STPG2: variants seen among roughly 807,000 people sequenced by gnomAD.
The protein encoded by STPG2 is sperm tail PG-rich repeat containing 2, also known as sperm-tail PG-rich repeat-containing protein 2.
STPG2 carries 56 observed loss-of-function variants against 54.2 expected under a neutral mutation model. The ratio of observed to expected loss-of-function variants is 1.03; its 90% CI spans 0.83 to 1.29. STPG2 has a LOEUF of 1.29. Ranked by LOEUF, STPG2 falls within the 50% of genes most tolerant of loss-of-function variation. The pLI is 0.00. For synonymous variants in STPG2, 200 were observed against 181.8 expected, an observed-to-expected ratio of 1.10 and a Z score of -0.81; for missense variants, 596 against 544.9, an observed-to-expected ratio of 1.09 and a Z score of -0.93.
intron 5 of STPG2, among the ~76,000 whole-genome samples, chr4:98,010,021 G>A (rs1735696049): frequency 1.3e-5 from 2 of 151,838 alleles, no homozygotes; most frequent in Non-Finnish European, 2.9e-5. Context: ...CTGGCTAAAT[G>A]TGTGTTGATT....
chr4:97,605,021 G>A (rs1733558526), intron 10 of STPG2, among the ~76,000 whole-genome samples: 1 of 151,608 alleles, frequency 6.6e-6, no homozygotes, highest in African/African-American at 2.4e-5. Context: ...GGCCTAAGAC[G>A]CTGTATTAAC....
At chr4:97,886,729 T>A (rs531228527) in intron 8 of STPG2, among the ~76,000 whole-genome samples, 1 of 152,334 alleles carries the variant, frequency 6.6e-6, no homozygotes, top group South Asian at 2.1e-4. Flanking sequence ...ATTTGGTTAT[T>A]GATATGGTTT....
intron 4 of STPG2, among the ~76,000 whole-genome samples, chr4:97,480,668 C>A (rs1050769068): frequency 2.6e-5 from 4 of 151,372 alleles, no homozygotes; most frequent in Admixed American, 2.6e-4. Context: ...TTTTGCATTT[C>A]CCTGTGACTA....
In STPG2 at chr4:98,002,797, G is replaced by GT. The variant is rs1482499510; in HGVS notation, c.613-21480dup. On this transcript the variant is annotated intron_variant, in intron 5 of 10. Coordinates refer to ENST00000295268, the MANE Select transcript of STPG2 (RefSeq NM_174952.3). ...GTCTTTAATAACAGCGTTTTTTAAA[G>GT]TTTTTTAAAGTGCACACTCATTAAT... is the stretch of plus-strand genomic sequence containing the variant. Among the ~76,000 whole-genome samples the GT allele has an allele frequency of 7.9e-5, 12 of 152,166 alleles. No individual in the cohort carries two copies. In the South Asian group the frequency reaches 2.5e-3, roughly 32 times the overall value.
chr4:98,033,431 T>C (rs965986277), intron 5 of STPG2, among the ~76,000 whole-genome samples: 1 of 151,768 alleles, frequency 6.6e-6, no homozygotes, highest in African/African-American at 2.4e-5. Context: ...AGTAGACCAA[T>C]AACAAGTTCT....
intron 4 of STPG2, among the ~76,000 whole-genome samples, chr4:97,533,037 C>G (rs1031726652): frequency 6.6e-6 from 1 of 152,078 alleles, no homozygotes. Flanking sequence ...CGCCCGCCAC[C>G]ACACCCGGCT....
chr4:97,999,129 T>TTTTG, intron 5 of STPG2, among the ~76,000 whole-genome samples: 2 of 152,324 alleles, frequency 1.3e-5, no homozygotes, highest in South Asian at 4.1e-4. Flanking sequence ...AGGCACTACA[T>TTTTG]TTTGGAGTGA....
intron 10 of STPG2, among the ~76,000 whole-genome samples, chr4:97,631,798 C>A (rs2148933339): frequency 6.6e-6 from 1 of 152,174 alleles, no homozygotes; most frequent in African/African-American, 2.4e-5. Flanking sequence ...TGGAGCTGAG[C>A]AGTACCATTA....
chr4:98,044,104 T>C (rs116357803), intron 5 of STPG2, among the ~76,000 whole-genome samples: 1 of 152,154 alleles, frequency 6.6e-6, no homozygotes, highest in Admixed American at 6.6e-5. Flanking sequence ...TCACAATATA[T>C]GCTATTGCTG....
At chr4:97,502,431 ATG>A (rs1730745906) in intron 4 of STPG2, among the ~76,000 whole-genome samples, 1 of 152,008 alleles carries the variant, frequency 6.6e-6, no homozygotes, top group African/African-American at 2.4e-5. Context: ...GGGGAAAACA[ATG>A]TGTGAGTGAA....
intron 10 of STPG2, among the ~76,000 whole-genome samples, chr4:97,621,004 T>G (rs1162382616): frequency 6.6e-6 from 1 of 152,138 alleles, no homozygotes; most frequent in Non-Finnish European, 1.5e-5. Flanking sequence ...TATAATTACA[T>G]GGACTTTACA....
chr4:97,855,227 T>C (rs1378837924), intron 8 of STPG2, among the ~76,000 whole-genome samples: 2 of 152,096 alleles, frequency 1.3e-5, no homozygotes, highest in African/African-American at 4.8e-5. Flanking sequence ...ATGAATGTAT[T>C]TCCCTGCTTA....
intron 9 of STPG2, among the ~76,000 whole-genome samples, chr4:97,765,942 C>A (rs1172825650): frequency 6.6e-6 from 1 of 152,004 alleles, no homozygotes; most frequent in African/African-American, 2.4e-5. Context: ...TTACTGGAAG[C>A]TTTAGGGAAA....
chr4:97,624,949 T>A (rs1734102756), intron 10 of STPG2, among the ~76,000 whole-genome samples: 1 of 152,094 alleles, frequency 6.6e-6, no homozygotes, highest in African/African-American at 2.4e-5. Context: ...GAGGTCATGA[T>A]CCTAATCCAA....
At chr4:97,847,395 A>G (rs1309378651) in intron 8 of STPG2, among the ~76,000 whole-genome samples, 1 of 152,168 alleles carries the variant, frequency 6.6e-6, no homozygotes, top group East Asian at 1.9e-4. Flanking sequence ...TAATATAGAT[A>G]TAAAATTATA....
At chr4:97,841,629 T>C (rs1339659289) in intron 8 of STPG2, among the ~76,000 whole-genome samples, 17 of 151,786 alleles carry the variant, frequency 1.1e-4, no homozygotes, top group Non-Finnish European at 3.0e-5. Context: ...ACCTAGATTA[T>C]GTATAAAGAC....
At chr4:97,741,690 C>T (rs1287584977) in intron 9 of STPG2, among the ~76,000 whole-genome samples, 8 of 152,054 alleles carry the variant, frequency 5.3e-5, no homozygotes, top group African/African-American at 1.9e-4. Flanking sequence ...GTTAGAATGG[C>T]AATCATTAAA....
At chr4:97,905,359 C>T (rs1731364742) in intron 8 of STPG2, among the ~76,000 whole-genome samples, 1 of 151,882 alleles carries the variant, frequency 6.6e-6, no homozygotes, top group African/African-American at 2.4e-5. Flanking sequence ...CCAAACTAAG[C>T]TTCATAAGTG....
chr4:97,974,562 C>A (rs1193866722), intron 6 of STPG2, among the ~76,000 whole-genome samples: 1 of 152,112 alleles, frequency 6.6e-6, no homozygotes, highest in East Asian at 1.9e-4. Context: ...TGGGAGGAAC[C>A]TGGTGGGAGG....
Sources: gnomAD v4.1 joint callset for allele counts (sites outside exome capture counted in the v4.1 genomes callset) on GRCh38, gnomAD v4.1.1 for gene constraint, MANE v1.5 for transcripts, NCBI Gene and HGNC (gene_info 2026-07-23, HGNC 2026-07-21) for gene names.